The following MMP16 variants were observed in gnomAD, a reference collection of about 807,000 sequenced individuals.
The protein encoded by MMP16 is matrix metallopeptidase 16, also known as matrix metalloproteinase-16.
A neutral mutation model predicts 67.8 loss-of-function variants in MMP16; 12 were observed. The ratio of observed to expected loss-of-function variants is 0.18; its 90% confidence interval spans 0.11 to 0.29. The LOEUF (loss-of-function observed/expected upper bound fraction) is 0.29. Among genes scored for constraint, MMP16 ranks in the 10% least tolerant of loss-of-function variants. The pLI, the probability that MMP16 is intolerant of heterozygous loss-of-function variation, is 1.00. For synonymous variants in MMP16, 249 were observed against 255.9 expected (o/e 0.97, Z 0.26); for missense variants, 475 against 765.7 (o/e 0.62, Z 4.48).
intron 6 of MMP16, among the ~76,000 whole-genome samples, chr8:88,098,358 C>T (rs911997665): frequency 6.6e-6 from 1 of 151,946 alleles, no homozygotes; most frequent in East Asian, 1.9e-4. Context: ...ACTGGTTGCC[C>T]ACATGGGTGG....
At chr8:88,286,488 T>A (rs992861564) in intron 1 of MMP16, among the ~76,000 whole-genome samples, 2 of 152,080 alleles carry the variant, frequency 1.3e-5, no homozygotes, top group Non-Finnish European at 2.9e-5. Context: ...CAAATCAAAC[T>A]CCTAATAAAA....
intron 1 of MMP16, among the ~76,000 whole-genome samples, chr8:88,247,202 T>A (rs1364289876): frequency 5.9e-5 from 9 of 152,122 alleles, no homozygotes; most frequent in African/African-American, 2.2e-4. Flanking sequence ...CAGAAGACAG[T>A]GTTTATATAA....
intron 2 of MMP16, among the ~76,000 whole-genome samples, chr8:88,192,611 T>C (rs2129770207): frequency 6.6e-6 from 1 of 152,286 alleles, no homozygotes; most frequent in Admixed American, 6.5e-5. Flanking sequence ...TAAGAACATA[T>C]CTTTTATATC....
chr8:88,163,501 T>A, intron 4 of MMP16, among the ~76,000 whole-genome samples: 1 of 152,102 alleles, frequency 6.6e-6, no homozygotes, highest in East Asian at 1.9e-4. Context: ...TTTTAAAGAA[T>A]TGCAACTACG....
intron 1 of MMP16, among the ~76,000 whole-genome samples, chr8:88,281,325 G>A (rs1178372077): frequency 6.6e-6 from 1 of 152,164 alleles, no homozygotes; most frequent in Non-Finnish European, 1.5e-5. Context: ...GGAGATCATG[G>A]ATGATGAGCT....
intron 1 of MMP16, among the ~76,000 whole-genome samples, chr8:88,256,268 T>C (rs1164772221): frequency 6.6e-6 from 1 of 152,164 alleles, no homozygotes; most frequent in African/African-American, 2.4e-5. Flanking sequence ...GTAAAAATAA[T>C]TTTATTAATT....
intron 3 of MMP16, among the ~76,000 whole-genome samples, chr8:88,177,656 C>T (rs982477082): frequency 3.3e-5 from 5 of 152,142 alleles, no homozygotes; most frequent in East Asian, 1.9e-4. Flanking sequence ...CCATAATAAA[C>T]GCCAGTGTTA....
chr8:88,061,867 T>C (rs1808403998), intron 7 of MMP16, among the ~76,000 whole-genome samples: 1 of 152,032 alleles, frequency 6.6e-6, no homozygotes. Flanking sequence ...TCAAGTCCTT[T>C]GTATAAAACA....
At chr8:88,243,907 CA>C (rs1370497456) in intron 1 of MMP16, among the ~76,000 whole-genome samples, 2 of 152,006 alleles carry the variant, frequency 1.3e-5, no homozygotes, top group Non-Finnish European at 2.9e-5. Flanking sequence ...TACAGCCATT[CA>C]TTTGAGTCAA....
chr8:88,044,706 G>C (rs1808176774), intron 9 of MMP16, among the ~76,000 whole-genome samples: 1 of 152,246 alleles, frequency 6.6e-6, no homozygotes, highest in South Asian at 2.1e-4. Context: ...AAAGTGTAAT[G>C]AGACATAATT....
At chr8:88,135,998 G>T (rs896471027) in intron 4 of MMP16, among the ~76,000 whole-genome samples, 2 of 151,742 alleles carry the variant, frequency 1.3e-5, no homozygotes, top group African/African-American at 4.8e-5. Context: ...GATTACAAAA[G>T]AAAGGATAAT....
At chr8:88,321,409 T>C (rs1811458076) in intron 1 of MMP16, among the ~76,000 whole-genome samples, 1 of 152,208 alleles carries the variant, frequency 6.6e-6, no homozygotes, top group Non-Finnish European at 1.5e-5. Flanking sequence ...TAGATGATAT[T>C]TGTTTCTCAA....
At chr8:88,111,784 T>C (rs1014042470) in intron 6 of MMP16, among the ~76,000 whole-genome samples, 2 of 151,736 alleles carry the variant, frequency 1.3e-5, no homozygotes, top group African/African-American at 4.8e-5. Flanking sequence ...TTATGTGATG[T>C]TTATGAAACA....
chr8:88,095,964 T>C (rs1809019424), intron 6 of MMP16, among the ~76,000 whole-genome samples: 1 of 151,982 alleles, frequency 6.6e-6, no homozygotes, highest in African/African-American at 2.4e-5. Flanking sequence ...TATTTTACTA[T>C]TTATACCTCA....
intron 4 of MMP16, among the ~76,000 whole-genome samples, chr8:88,141,857 T>C (rs1302228399): frequency 6.6e-6 from 1 of 152,064 alleles, no homozygotes; most frequent in African/African-American, 2.4e-5. Flanking sequence ...GTCAAATAAT[T>C]ATGTGACTCT....
At chr8:88,092,034 T>C (rs1423012877) in intron 6 of MMP16, among the ~76,000 whole-genome samples, 1 of 151,802 alleles carries the variant, frequency 6.6e-6, no homozygotes, top group Non-Finnish European at 1.5e-5. Flanking sequence ...AATTCAAAAA[T>C]GCAGCAGTGA....
chr8:88,305,999 G>A lies in MMP16; in HGVS notation c.132+21076C>T, dbSNP rs550070701. ...CTTGAAAAATCAATGAACCCAGGAG[G>A]TGTTTTTTTTTTTGAAAAAATTAAT... On this transcript the variant is annotated intron_variant, in intron 1 of 9. Coordinates refer to ENST00000286614, the MANE Select transcript of MMP16 (RefSeq NM_005941.5). 1.7e-4 allele frequency among the ~76,000 whole-genome samples: 26 copies of A among 150,420 alleles called. No individual in the cohort carries two copies. The South Asian group carries it at 5.3e-3, about 30-fold the overall frequency.
intron 2 of MMP16, among the ~76,000 whole-genome samples, chr8:88,187,472 C>T (rs189872513): frequency 1.3e-5 from 2 of 152,138 alleles, no homozygotes; most frequent in African/African-American, 4.8e-5. Context: ...TTATTAGCCC[C>T]TTTATTTTAA....
intron 4 of MMP16, among the ~76,000 whole-genome samples, chr8:88,151,322 A>T (rs1808402536): frequency 6.7e-6 from 1 of 149,240 alleles, no homozygotes; most frequent in African/African-American, 2.5e-5. Context: ...AAAGTCAACA[A>T]GGATACCCAG....
Sources: allele counts gnomAD v4.1 joint callset (sites outside exome capture counted in the v4.1 genomes callset), GRCh38; gene constraint gnomAD v4.1.1; transcripts MANE v1.5; gene names NCBI Gene and HGNC (gene_info 2026-07-23, HGNC 2026-07-21).